Variants in JAK1 observed in about 807,000 individuals in gnomAD.
JAK1 encodes the protein Janus kinase 1.
Under a neutral mutation model 136.6 loss-of-function variants are expected in JAK1, and 16 were observed. The observed-to-expected ratio is 0.12, with a 90% CI of 0.08 to 0.18. The LOEUF is 0.18. JAK1 is among the 10% of genes least tolerant of loss of function. JAK1 has a pLI of 1.00. For missense variants in JAK1, 859 were observed against 1,450.1 expected (o/e 0.59, Z 6.62); for synonymous variants, 492 against 519.5 (o/e 0.95, Z 0.72).
At chr1:64,920,554 A>C (rs936255638) in intron 1 of JAK1, among the ~76,000 whole-genome samples, 6 of 152,184 alleles carry the variant, frequency 3.9e-5, no homozygotes, top group African/African-American at 1.4e-4. Context: ...AAACTAATCC[A>C]AGACTAGACT....
chr1:64,838,637 C>G (rs1349283238), intron 20 of JAK1, 48 bp from the exon 21 acceptor site: 1 of 1,602,108 alleles, frequency 6.2e-7, no homozygotes, highest in African/African-American at 1.3e-5. Flanking sequence ...AATGAGGGAA[C>G]CATGGGAGAG....
At chr1:65,019,453 A>AC (rs34198843) in intron 2 of JAK1, among the ~76,000 whole-genome samples, 6,019 of 130,122 alleles carry the variant, frequency 0.046, 136 homozygotes, top group African/African-American at 0.056. Context: ...AACCCATATG[A>AC]CCCCCCCCCC....
chr1:64,914,516 T>G (rs999283345), intron 1 of JAK1, among the ~76,000 whole-genome samples: 1 of 152,154 alleles, frequency 6.6e-6, no homozygotes, highest in East Asian at 1.9e-4. Context: ...CTGACCTCTT[T>G]TATTAAGTGG....
At chr1:64,991,925 T>C (rs1646660075) in intron 2 of JAK1, 1 of 152,042 alleles carries the variant, frequency 6.6e-6, no homozygotes, top group Non-Finnish European at 1.5e-5. Context: ...CTGAAAGAGA[T>C]TAATGAAGAA....
chr1:64,938,876 G>A (rs554728786), intron 1 of JAK1, among the ~76,000 whole-genome samples: 7 of 152,214 alleles, frequency 4.6e-5, no homozygotes, highest in East Asian at 3.9e-4. Flanking sequence ...ACAGAATCAC[G>A]GGTCTCTATC....
chr1:64,908,841 G>A (rs1218860572), intron 1 of JAK1, among the ~76,000 whole-genome samples: 1 of 152,132 alleles, frequency 6.6e-6, no homozygotes, highest in Non-Finnish European at 1.5e-5. Context: ...ATTAGAGGCA[G>A]TCTTTCTCCA....
intron 4 of JAK1, among the ~76,000 whole-genome samples, chr1:64,878,559 GTGTATATATATATATATA>G (rs1252734429): frequency 5.0e-5 from 4 of 79,262 alleles, no homozygotes; most frequent in Non-Finnish European, 9.8e-5. Context: ...TATATATAGT[GTGTATATATATATATATA>G]TATATATATA....
intron 2 of JAK1, among the ~76,000 whole-genome samples, chr1:65,043,269 A>G (rs1251591891): frequency 6.6e-6 from 1 of 152,204 alleles, no homozygotes; most frequent in African/African-American, 2.4e-5. Flanking sequence ...TCTAAAGGTG[A>G]GGAGATGGAG....
chr1:64,903,952 A>G (rs546772431), intron 1 of JAK1, among the ~76,000 whole-genome samples: 107 of 152,298 alleles, frequency 7.0e-4, no homozygotes, highest in African/African-American at 2.1e-3. Context: ...ACTTGACTAC[A>G]AGTTCCTTGA....
chr1:64,852,500 G>A (rs146330829), intron 11 of JAK1, among the ~76,000 whole-genome samples: 15 of 152,286 alleles, frequency 9.8e-5, no homozygotes, highest in Non-Finnish European at 1.6e-4. Flanking sequence ...GGGAAAATCC[G>A]ATTCAGAGGC....
intron 1 of JAK1, among the ~76,000 whole-genome samples, chr1:65,044,763 A>G (rs1647169690): frequency 6.6e-6 from 1 of 152,234 alleles, no homozygotes; most frequent in Non-Finnish European, 1.5e-5. Context: ...GAAGCAAAAG[A>G]GGACAACTGA....
rs763324383 is a variant in JAK1, at chr1:64,867,194, A to C, written c.662T>G (p.Ile221Ser). Reference protein sequence around the residue: ...LPKDISYKRYIPETLNKSIRQ... With the variant: ...LPKDISYKRYSPETLNKSIRQ... ...GATGGACTTATTCAATGTTTCTGGA[A>C]TATATCGCTTGTAGCTAAAAGACAG... Residue 221 changes from isoleucine (I) to serine (S), a missense_variant, in exon 7 of 25, where the codon ATT becomes AGT. Ile to Ser is a moderately radical substitution (Grantham distance 142). Transcript: ENST00000342505. 6.3e-7 allele frequency: 1 copy of C among 1,597,898 alleles called. No individual in the cohort carries two copies. Among genetic ancestry groups the C allele is most frequent in the Non-Finnish European group, 8.6e-7 (1 of 1,168,692 alleles).
intron 1 of JAK1, among the ~76,000 whole-genome samples, chr1:65,050,641 C>T (rs1190603625): frequency 6.6e-6 from 1 of 152,150 alleles, no homozygotes; most frequent in Non-Finnish European, 1.5e-5. Context: ...CATGATCAAA[C>T]TTTCATTTTA....
At chr1:65,036,320 A>T (rs1647074341) in intron 2 of JAK1, among the ~76,000 whole-genome samples, 1 of 152,060 alleles carries the variant, frequency 6.6e-6, no homozygotes, top group African/African-American at 2.4e-5. Context: ...CTGTAGTCCT[A>T]GCTGCTTGAG....
At chr1:65,023,230 G>A (rs984952554) in intron 2 of JAK1, among the ~76,000 whole-genome samples, 2 of 151,906 alleles carry the variant, frequency 1.3e-5, no homozygotes, top group African/African-American at 4.8e-5. Flanking sequence ...AGCCTCCCAA[G>A]TATCTGGAGA....
At chr1:64,947,857 G>A (rs376925029) in intron 1 of JAK1, among the ~76,000 whole-genome samples, 1 of 151,820 alleles carries the variant, frequency 6.6e-6, no homozygotes, top group Non-Finnish European at 1.5e-5. Context: ...TACCTCTGAA[G>A]GGAACAATGA....
intron 1 of JAK1, among the ~76,000 whole-genome samples, chr1:64,889,629 C>T (rs555354751): frequency 6.6e-6 from 1 of 152,260 alleles, no homozygotes; most frequent in South Asian, 2.1e-4. Context: ...AAACAAGACA[C>T]AATTCTGTGG....
At chr1:64,866,584 G>C (rs1455768984) in intron 7 of JAK1, among the ~76,000 whole-genome samples, 1 of 152,094 alleles carries the variant, frequency 6.6e-6, no homozygotes, top group Non-Finnish European at 1.5e-5. Context: ...AAAATACTTA[G>C]AAAAGTACTT....
intron 2 of JAK1, among the ~76,000 whole-genome samples, chr1:65,005,056 T>C (rs901155590): frequency 6.6e-6 from 1 of 152,202 alleles, no homozygotes; most frequent in African/African-American, 2.4e-5. Flanking sequence ...TACTGTGATT[T>C]CTAGTTTGTC....
Sources: allele counts gnomAD v4.1 joint callset (sites outside exome capture counted in the v4.1 genomes callset), GRCh38; gene constraint gnomAD v4.1.1; transcripts MANE v1.5; gene names NCBI Gene and HGNC (gene_info 2026-07-23, HGNC 2026-07-21).